The following TAFA1 variants were observed in gnomAD, a reference collection of about 807,000 sequenced individuals.
TAFA1 encodes the protein TAFA chemokine like family member 1, also known as chemokine-like protein TAFA-1.
TAFA1 carries 4 observed loss-of-function variants against 18.5 expected under a neutral mutation model. The observed-to-expected ratio is 0.22, with a 90% CI of 0.11 to 0.49. The LOEUF (loss-of-function observed/expected upper bound fraction) is 0.49, where lower values mean the gene tolerates loss of function less well. Among genes scored for constraint, TAFA1 ranks in the 20% least tolerant of loss-of-function variants. TAFA1 has a pLI of 0.98. For synonymous variants in TAFA1, 56 were observed against 55.2 expected (o/e 1.01, Z -0.06); for missense variants, 147 against 169.0 (o/e 0.87, Z 0.72).
chr3:68,060,184 CTG>C (rs1007217157), intron 2 of TAFA1, among the ~76,000 whole-genome samples: 10 of 143,828 alleles, frequency 7.0e-5, no homozygotes, highest in Non-Finnish European at 9.3e-5. Flanking sequence ...ACCATTGCAA[CTG>C]TGTGTGTGTG....
chr3:68,088,605 T>C (rs1347419774), intron 2 of TAFA1, among the ~76,000 whole-genome samples: 2 of 152,232 alleles, frequency 1.3e-5, no homozygotes, highest in Non-Finnish European at 2.9e-5. Flanking sequence ...TTGTTTTTAC[T>C]GGAAGTTAAC....
intron 2 of TAFA1, among the ~76,000 whole-genome samples, chr3:68,085,991 T>C (rs1187083911): frequency 6.6e-6 from 1 of 152,182 alleles, no homozygotes; most frequent in African/African-American, 2.4e-5. Context: ...TTTTAGAAAA[T>C]CAACATCTGA....
At chr3:68,495,027 G>C (rs1240508422) in intron 3 of TAFA1, among the ~76,000 whole-genome samples, 12 of 152,110 alleles carry the variant, frequency 7.9e-5, no homozygotes, top group South Asian at 4.1e-4. Context: ...GAAAAGAAAA[G>C]AAAACAACAG....
At chr3:68,012,954 A>C (rs895925866) in intron 2 of TAFA1, among the ~76,000 whole-genome samples, 17 of 152,156 alleles carry the variant, frequency 1.1e-4, no homozygotes, top group Admixed American at 1.0e-3. Flanking sequence ...AGTGCTTGTA[A>C]GTATATGAAA....
chr3:68,339,149 G>T (rs531608034), intron 2 of TAFA1, among the ~76,000 whole-genome samples: 1 of 152,312 alleles, frequency 6.6e-6, no homozygotes, highest in South Asian at 2.1e-4. Flanking sequence ...TGAGAGCAGG[G>T]TAGGTATGTA....
chr3:68,506,612 C>T (rs2072761936), intron 3 of TAFA1, among the ~76,000 whole-genome samples: 2 of 152,120 alleles, frequency 1.3e-5, no homozygotes, highest in Non-Finnish European at 2.9e-5. Context: ...TTGTTATGGT[C>T]TGATTGGTCA....
intron 3 of TAFA1, among the ~76,000 whole-genome samples, chr3:68,423,892 C>G (rs1214326205): frequency 6.6e-6 from 1 of 151,906 alleles, no homozygotes; most frequent in African/African-American, 2.4e-5. Flanking sequence ...GTTCAGAAGT[C>G]TTTCTTCTCA....
chr3:68,097,272 T>C (rs2065096955), intron 2 of TAFA1, among the ~76,000 whole-genome samples: 1 of 152,182 alleles, frequency 6.6e-6, no homozygotes, highest in Non-Finnish European at 1.5e-5. Flanking sequence ...GAAACTTTTT[T>C]TCTCATAGTA....
intron 2 of TAFA1, among the ~76,000 whole-genome samples, chr3:68,009,232 G>A (rs1704423763): frequency 6.6e-6 from 1 of 152,172 alleles, no homozygotes; most frequent in South Asian, 2.1e-4. Context: ...AATAGATACA[G>A]TACCGTTTGT....
intron 3 of TAFA1, among the ~76,000 whole-genome samples, chr3:68,527,642 A>G (rs1409050834): frequency 6.6e-6 from 1 of 152,070 alleles, no homozygotes; most frequent in African/African-American, 2.4e-5. Flanking sequence ...ATGCATCACA[A>G]CTTGTCAATA....
intron 3 of TAFA1, among the ~76,000 whole-genome samples, chr3:68,436,873 A>G (rs2071276065): frequency 6.6e-6 from 1 of 152,200 alleles, no homozygotes; most frequent in African/African-American, 2.4e-5. Flanking sequence ...TAACAGATAC[A>G]GCCAGCTCCA....
intron 2 of TAFA1, among the ~76,000 whole-genome samples, chr3:68,304,369 C>G (rs1315716982): frequency 1.3e-5 from 2 of 152,260 alleles, no homozygotes; most frequent in East Asian, 1.9e-4. Context: ...ATATTTGAAC[C>G]TAGCAAAAGG....
intron 3 of TAFA1, among the ~76,000 whole-genome samples, chr3:68,447,562 A>G (rs1333630331): frequency 6.6e-6 from 1 of 152,210 alleles, no homozygotes; most frequent in Non-Finnish European, 1.5e-5. Context: ...CTGATCATTA[A>G]CAAGCCAAAG....
chr3:68,028,830 G>A (rs1167921740), intron 2 of TAFA1, among the ~76,000 whole-genome samples: 2 of 151,332 alleles, frequency 1.3e-5, no homozygotes, highest in Admixed American at 1.3e-4. Context: ...ATGTCTCACT[G>A]CAGGCTGAAA....
chr3:68,523,018 C>T (rs1316438333), intron 3 of TAFA1, among the ~76,000 whole-genome samples: 2 of 152,032 alleles, frequency 1.3e-5, no homozygotes, highest in African/African-American at 4.8e-5. Flanking sequence ...GGAGGTTGCA[C>T]TGAGCTGAGA....
intron 2 of TAFA1, among the ~76,000 whole-genome samples, chr3:68,144,476 C>G (rs117507181): frequency 6.6e-6 from 1 of 152,310 alleles, no homozygotes; most frequent in East Asian, 1.9e-4. Context: ...GATGGTAAAA[C>G]TCTCCACTGA....
chr3:68,137,872 T>C (rs2065625970), intron 2 of TAFA1, among the ~76,000 whole-genome samples: 1 of 152,124 alleles, frequency 6.6e-6, no homozygotes, highest in South Asian at 2.1e-4. Flanking sequence ...GCACGAAAGA[T>C]GTCCAAATCC....
intron 2 of TAFA1, among the ~76,000 whole-genome samples, chr3:68,340,543 T>G (rs980285072): frequency 2.0e-5 from 3 of 152,192 alleles, no homozygotes; most frequent in Non-Finnish European, 4.4e-5. Flanking sequence ...CGCACTCTAC[T>G]CCTTAGCAAC....
chr3:68,521,538 TAGG>T (rs2073021374), intron 3 of TAFA1, among the ~76,000 whole-genome samples: 1 of 152,176 alleles, frequency 6.6e-6, no homozygotes, highest in South Asian at 2.1e-4. Context: ...CGTGAGGAAA[TAGG>T]AGCACAATAC....
Sources: allele counts gnomAD v4.1 joint callset (sites outside exome capture counted in the v4.1 genomes callset), GRCh38; gene constraint gnomAD v4.1.1; transcripts MANE v1.5; gene names NCBI Gene and HGNC (gene_info 2026-07-23, HGNC 2026-07-21).